The following PRR33 variants were observed in gnomAD, a reference collection of about 807,000 sequenced individuals.
The protein encoded by PRR33 is proline-rich protein 33.
In PRR33, 1 loss-of-function variant was observed where a neutral mutation model predicts 0.5. The observed-to-expected ratio is 2.18, with a 90% CI of 0.77 to 10.34. PRR33 has a LOEUF of 10.34. PRR33 is among the 30% of genes most tolerant of loss of function. PRR33 has a pLI of 0.13. For missense variants in PRR33, 552 were observed against 251.8 expected (o/e 2.19, Z -8.07); for synonymous variants, 226 against 110.0 (o/e 2.06, Z -6.60).
the PRR33 span, among the ~76,000 whole-genome samples, chr11:1,913,787 T>A: frequency 1.0e-3 from 152 of 152,374 alleles, no homozygotes; most frequent in African/African-American, 3.5e-3. Flanking sequence ...CTAAGCCAAG[T>A]CGTTTCGTTC....
At chr11:1,892,431 T>C (rs957688620), upstream of PRR33, among the ~76,000 whole-genome samples, 2 of 152,232 alleles carry the variant, frequency 1.3e-5, no homozygotes, top group African/African-American at 4.8e-5. Context: ...ACATAAGCTC[T>C]CTGGTGGCCT....
rs374678193 is a variant in PRR33, at chr11:1,889,025, C to T, written c.*120G>A. On this transcript the variant is annotated 3_prime_UTR_variant, in exon 1 of 1. Transcript: ENST00000640310. ...TGTGCCCTTCCCAGGCTGCCCTGCA[C>T]CCCATGCCCCTTGGGCCCTGGTGCA... 5.4e-5 allele frequency: 31 copies of T among 574,078 alleles called. No homozygotes were observed. In the African/African-American group the frequency reaches 5.8e-4, roughly 11 times the overall value. 35.6% of individuals were successfully genotyped at this position (574,078 alleles called of 1,614,324 possible).
At chr11:1,911,999 TAAAAA>T in the PRR33 span, among the ~76,000 whole-genome samples, 1 of 26,994 alleles carries the variant, frequency 3.7e-5, no homozygotes. Context: ...ACCCCATCTC[TAAAAA>T]AAAAAAAAAA....
At chr11:1,900,712 C>T in the PRR33 span, among the ~76,000 whole-genome samples, 2 of 152,178 alleles carry the variant, frequency 1.3e-5, no homozygotes, top group Admixed American at 1.3e-4. Flanking sequence ...ACAGCATATA[C>T]CCGGATGTAT....
At chr11:1,915,387 CTGTG>C in the PRR33 span, among the ~76,000 whole-genome samples, 2 of 143,762 alleles carry the variant, frequency 1.4e-5, no homozygotes, top group South Asian at 2.3e-4. Context: ...GATGATGTTT[CTGTG>C]TGTGTGTGTC....
upstream of PRR33, among the ~76,000 whole-genome samples, chr11:1,896,042 T>A (rs530343191): frequency 2.4e-4 from 36 of 152,318 alleles, no homozygotes; most frequent in Non-Finnish European, 1.0e-4. Context: ...GTAAGCTGAT[T>A]TCTGGACCGT....
chr11:1,902,463 A>G, the PRR33 span, among the ~76,000 whole-genome samples: 4 of 152,206 alleles, frequency 2.6e-5, no homozygotes, highest in African/African-American at 9.6e-5. Context: ...AGCTTTCTGT[A>G]TGGGATAGTA....
exon 1 of PRR33, chr11:1,889,604 G>A (rs1260407649): frequency 6.5e-6 from 4 of 616,592 alleles, no homozygotes; most frequent in Admixed American, 2.9e-5. Context: ...TGGGGACAGG[G>A]CATGGGTGAG....
the PRR33 span, among the ~76,000 whole-genome samples, chr11:1,916,263 C>G: frequency 1.3e-5 from 2 of 152,132 alleles, no homozygotes; most frequent in Non-Finnish European, 2.9e-5. Context: ...GCACCCCAGA[C>G]TCTGATGTTC....
the PRR33 span, among the ~76,000 whole-genome samples, chr11:1,901,541 TATCA>T: frequency 2.0e-5 from 3 of 152,356 alleles, no homozygotes; most frequent in South Asian, 6.2e-4. Context: ...CCCTTTAGAC[TATCA>T]ATCTTCTAAT....
At chr11:1,897,972 G>A in the PRR33 span, among the ~76,000 whole-genome samples, 1 of 152,218 alleles carries the variant, frequency 6.6e-6, no homozygotes, top group African/African-American at 2.4e-5. This position sits in a 1 kb window ranked among gnomAD's most constrained non-coding sequence, Gnocchi z 4.0. Flanking sequence ...AAATAGATCA[G>A]AGAGTTAGCT....
At chr11:1,911,018 T>G in the PRR33 span, among the ~76,000 whole-genome samples, 1 of 151,994 alleles carries the variant, frequency 6.6e-6, no homozygotes, top group African/African-American at 2.4e-5. Flanking sequence ...AGATGGCTTG[T>G]TTTTTTTGGC....
chr11:1,898,198 TTGGAGTA>T, the PRR33 span, among the ~76,000 whole-genome samples: 1 of 152,272 alleles, frequency 6.6e-6, no homozygotes, highest in East Asian at 1.9e-4. Flanking sequence ...ACCATAGCCT[TTGGAGTA>T]GAATCTGTTC....
At chr11:1,899,515 T>G in the PRR33 span, among the ~76,000 whole-genome samples, 2 of 152,204 alleles carry the variant, frequency 1.3e-5, no homozygotes, top group South Asian at 4.1e-4. Flanking sequence ...TTTAGCCATA[T>G]CGGAGTTGAG....
At chr11:1,893,591 G>GAGGA (rs1849078565), upstream of PRR33, among the ~76,000 whole-genome samples, 1 of 149,058 alleles carries the variant, frequency 6.7e-6, no homozygotes, top group Non-Finnish European at 1.5e-5. Context: ...GGGATGGAGG[G>GAGGA]AGGGATGAGT....
the PRR33 span, among the ~76,000 whole-genome samples, chr11:1,914,962 TTGTG>T: frequency 4.1e-4 from 61 of 147,596 alleles, no homozygotes; most frequent in African/African-American, 1.3e-3. Context: ...GGGATGATGT[TTGTG>T]TATGTGTGTG....
At chr11:1,894,224 AGT>A (rs71025790), upstream of PRR33, among the ~76,000 whole-genome samples, 3,240 of 127,654 alleles carry the variant, frequency 0.025, 68 homozygotes, top group East Asian at 0.061. Flanking sequence ...GGAGTGTGGG[AGT>A]GTGTGTGTGT....
chr11:1,890,851 C>G, exon 1 of PRR33: 1 of 514,820 alleles, frequency 1.9e-6, no homozygotes, highest in Non-Finnish European at 3.5e-6. Flanking sequence ...TAGAACCTGC[C>G]TCCAGGGCTC....
chr11:1,889,754 C>T (rs1848910837), exon 1 of PRR33: 3 of 653,720 alleles, frequency 4.6e-6, no homozygotes, highest in Non-Finnish European at 8.5e-6. Context: ...GTGAGGACTC[C>T]AGCGAGCGGC....
Sources: gnomAD v4.1 joint callset for allele counts (sites outside exome capture counted in the v4.1 genomes callset) on GRCh38, gnomAD v4.1.1 for gene constraint, Gnocchi (gnomAD v3.1) non-coding constraint, MANE v1.5 for transcripts, NCBI Gene and HGNC (gene_info 2026-07-23, HGNC 2026-07-21) for gene names.